GLIS3: variants seen among roughly 807,000 people sequenced by gnomAD.
GLIS3 encodes the protein zinc finger protein GLIS3.
GLIS3 carries 53 observed loss-of-function variants against 78.6 expected under a neutral mutation model. The observed-to-expected ratio is 0.67, with a 90% CI of 0.54 to 0.85. The LOEUF (loss-of-function observed/expected upper bound fraction) is 0.85. Ranked by LOEUF, GLIS3 falls within the 40% of genes least tolerant of loss-of-function variation. GLIS3 has a pLI of 0.00. For missense variants in GLIS3, 1,703 were observed against 1,231.1 expected, an observed-to-expected ratio of 1.38 and a Z score of -5.74; for synonymous variants, 684 against 509.9, an observed-to-expected ratio of 1.34 and a Z score of -4.60.
the GLIS3 span, among the ~76,000 whole-genome samples, chr9:4,397,140 C>G: frequency 1.4e-5 from 2 of 141,804 alleles, no homozygotes; most frequent in African/African-American, 2.8e-5. Context: ...ATTCTCCTGC[C>G]TCAGCCTCCC....
chr9:4,253,427 C>G (rs935548487), intron 2 of GLIS3, among the ~76,000 whole-genome samples: 1 of 152,238 alleles, frequency 6.6e-6, no homozygotes, highest in Non-Finnish European at 1.5e-5. Context: ...ACCACCTACT[C>G]AAGCTTCAGT....
At chr9:4,253,644 C>T (rs1824616198) in intron 2 of GLIS3, among the ~76,000 whole-genome samples, 3 of 152,176 alleles carry the variant, frequency 2.0e-5, no homozygotes, top group Non-Finnish European at 4.4e-5. Flanking sequence ...GTTCCATGTG[C>T]CACTGAGGTA....
intron 4 of GLIS3, among the ~76,000 whole-genome samples, chr9:3,999,153 G>C (rs1256084237): frequency 6.6e-6 from 1 of 152,046 alleles, no homozygotes; most frequent in East Asian, 1.9e-4. Context: ...CAACTGTATG[G>C]CTATGCCATG....
chr9:4,270,042 C>T (rs1411988267), intron 2 of GLIS3, among the ~76,000 whole-genome samples: 1 of 152,232 alleles, frequency 6.6e-6, no homozygotes, highest in Non-Finnish European at 1.5e-5. Flanking sequence ...TGCAGTAAGA[C>T]AGACGTGCAT....
chr9:3,950,032 C>A (rs1816572278), intron 4 of GLIS3, among the ~76,000 whole-genome samples: 1 of 152,224 alleles, frequency 6.6e-6, no homozygotes, highest in Non-Finnish European at 1.5e-5. Flanking sequence ...CCTTTTCCCC[C>A]AGAGCCTTCA....
chr9:4,406,564 G>T, the GLIS3 span, among the ~76,000 whole-genome samples: 27,828 of 151,992 alleles, frequency 0.18, 2,654 homozygotes, highest in Middle Eastern at 0.21. Context: ...CACTAAAGAG[G>T]CCATCAAAAA....
chr9:4,199,418 T>C (rs1819158470), intron 2 of GLIS3, among the ~76,000 whole-genome samples: 1 of 151,414 alleles, frequency 6.6e-6, no homozygotes, highest in Non-Finnish European at 1.5e-5. Context: ...TATCCTTATA[T>C]CATATAAAAC....
chr9:4,077,295 T>A (rs1435008720), intron 4 of GLIS3, among the ~76,000 whole-genome samples: 1 of 152,210 alleles, frequency 6.6e-6, no homozygotes, highest in South Asian at 2.1e-4. Flanking sequence ...AGTATGCACA[T>A]TCTTAAGGCT....
At chr9:4,051,798 T>G (rs1240786499) in intron 4 of GLIS3, among the ~76,000 whole-genome samples, 1 of 152,166 alleles carries the variant, frequency 6.6e-6, no homozygotes, top group Admixed American at 6.5e-5. Flanking sequence ...CACTAACAAA[T>G]AGGGCACAAC....
intron 2 of GLIS3, among the ~76,000 whole-genome samples, chr9:4,238,009 A>G (rs1462959344): frequency 2.6e-5 from 4 of 152,152 alleles, no homozygotes; most frequent in Non-Finnish European, 5.9e-5. Flanking sequence ...CAGAATTTCT[A>G]CCTAGGAATG....
intron 4 of GLIS3, among the ~76,000 whole-genome samples, chr9:4,037,954 G>GC (rs1824472392): frequency 7.7e-6 from 1 of 129,948 alleles, no homozygotes; most frequent in Non-Finnish European, 1.7e-5. Flanking sequence ...ATCCAGGAAA[G>GC]GAAAAAAAAA....
chr9:3,866,667 A>T (rs1204530318), intron 8 of GLIS3, among the ~76,000 whole-genome samples: 2 of 152,222 alleles, frequency 1.3e-5, no homozygotes, highest in African/African-American at 4.8e-5. Flanking sequence ...CCAACAGGCC[A>T]GTGTGGCTGG....
chr9:4,320,022 T>C (rs1000241934), intron 2 of GLIS3, among the ~76,000 whole-genome samples: 124 of 50,122 alleles, frequency 2.5e-3, no homozygotes, highest in African/African-American at 5.4e-3. Context: ...TGTGTGTGTG[T>C]GTGCGCGCGC....
chr9:4,051,655 G>T (rs1017180513), intron 4 of GLIS3, among the ~76,000 whole-genome samples: 1 of 152,118 alleles, frequency 6.6e-6, no homozygotes, highest in African/African-American at 2.4e-5. Flanking sequence ...TTGTTTGTTT[G>T]TTTTTAAAAA....
At chr9:4,117,562 T>A (rs147614829) in intron 4 of GLIS3, among the ~76,000 whole-genome samples, 2 of 152,262 alleles carry the variant, frequency 1.3e-5, no homozygotes, top group South Asian at 4.1e-4. Context: ...ATGGATCGTG[T>A]ACCTTTGCAG....
the GLIS3 span, among the ~76,000 whole-genome samples, chr9:4,371,737 G>T: frequency 5.9e-5 from 9 of 152,096 alleles, no homozygotes; most frequent in Non-Finnish European, 1.3e-4. Context: ...ATTACACCAC[G>T]TTACTTCTCT....
At chr9:4,435,777 A>G in the GLIS3 span, among the ~76,000 whole-genome samples, 33,179 of 151,792 alleles carry the variant, frequency 0.22, 4,097 homozygotes, top group Middle Eastern at 0.32. Context: ...GTGAAACCCT[A>G]TCTCTACTAA....
the GLIS3 span, among the ~76,000 whole-genome samples, chr9:4,488,112 G>A: frequency 1.3e-5 from 2 of 151,794 alleles, no homozygotes; most frequent in Non-Finnish European, 2.9e-5. Flanking sequence ...CTGTTTGTTG[G>A]TTGGTTGGTC....
chr9:4,217,870 A>G (rs1820991342), intron 2 of GLIS3, among the ~76,000 whole-genome samples: 1 of 152,250 alleles, frequency 6.6e-6, no homozygotes, highest in Non-Finnish European at 1.5e-5. Context: ...TATTTAATAA[A>G]ACAACCAACA....
Sources: gnomAD v4.1 joint callset for allele counts (sites outside exome capture counted in the v4.1 genomes callset) on GRCh38, gnomAD v4.1.1 for gene constraint, MANE v1.5 for transcripts, NCBI Gene and HGNC (gene_info 2026-07-23, HGNC 2026-07-21) for gene names.